Variants in ADAMTS12 observed in about 807,000 individuals in gnomAD.
ADAMTS12 encodes the protein A disintegrin and metalloproteinase with thrombospondin motifs 12.
In ADAMTS12, 118 loss-of-function variants were observed where a neutral mutation model predicts 167.8. That is an observed-to-expected ratio of 0.70 (90% CI 0.61 to 0.82). The LOEUF is 0.82. ADAMTS12 is among the 40% of genes least tolerant of loss of function. The pLI is 0.00. For missense variants in ADAMTS12, 1,916 were observed against 1,998.8 expected, an observed-to-expected ratio of 0.96 and a Z score of 0.79; for synonymous variants, 704 against 716.9, an observed-to-expected ratio of 0.98 and a Z score of 0.29.
rs553434206 is a variant in ADAMTS12, at chr5:33,747,417, T to A, written c.634+3987A>T. Among the ~76,000 whole-genome samples, 7 of 152,154 alleles carry A rather than the reference T, an allele frequency of 4.6e-5. No individual in the cohort carries two copies. The South Asian group carries it at 1.5e-3, about 32-fold the overall frequency. ...TACATGTAAAAGTGAGAATGCCAAG[T>A]ACTAGATATAATATGGGAAAATGGG... On this transcript the variant is annotated intron_variant, in intron 3 of 23. Transcript: ENST00000504830.
At chr5:33,851,595 A>C (rs1472047791) in intron 2 of ADAMTS12, among the ~76,000 whole-genome samples, 1 of 152,174 alleles carries the variant, frequency 6.6e-6, no homozygotes, top group Admixed American at 6.5e-5. Flanking sequence ...TCATTGCCAA[A>C]GCAACTGTTA....
At chr5:33,583,125 C>G (rs1326518972) in intron 18 of ADAMTS12, among the ~76,000 whole-genome samples, 1 of 152,132 alleles carries the variant, frequency 6.6e-6, no homozygotes, top group African/African-American at 2.4e-5. Context: ...ATCATCCCCA[C>G]CTTCCCTGCA....
intron 3 of ADAMTS12, among the ~76,000 whole-genome samples, chr5:33,743,897 AGTGAG>A (rs1419530222): frequency 1.3e-5 from 2 of 152,252 alleles, no homozygotes; most frequent in East Asian, 3.9e-4. Flanking sequence ...CCTCTTTAGG[AGTGAG>A]GTAAGTTGCA....
chr5:33,618,058 C>T (rs1739116157), intron 14 of ADAMTS12, among the ~76,000 whole-genome samples: 1 of 152,212 alleles, frequency 6.6e-6, no homozygotes, highest in Admixed American at 6.5e-5. Context: ...AACTTAACAA[C>T]TTGACCAGAA....
At chr5:33,822,984 G>C (rs1322777293) in intron 2 of ADAMTS12, among the ~76,000 whole-genome samples, 1 of 151,794 alleles carries the variant, frequency 6.6e-6, no homozygotes, top group Non-Finnish European at 1.5e-5. Flanking sequence ...CCAGCTACTT[G>C]GGAGGCTGAG....
At chr5:33,688,583 A>G (rs1742435009) in intron 3 of ADAMTS12, among the ~76,000 whole-genome samples, 2 of 152,222 alleles carry the variant, frequency 1.3e-5, no homozygotes, top group Non-Finnish European at 2.9e-5. Flanking sequence ...TCTCTGAGTC[A>G]GTGTCCACGG....
chr5:33,884,934 C>T (rs527643873), intron 1 of ADAMTS12, among the ~76,000 whole-genome samples: 9 of 152,136 alleles, frequency 5.9e-5, no homozygotes, highest in East Asian at 1.9e-4. Context: ...AAAGGGAGCA[C>T]GAACGAAAAG....
chr5:33,778,536 A>ATAAGTTTTCTCCCTAAGTT (rs558595674), intron 2 of ADAMTS12, among the ~76,000 whole-genome samples: 1 of 152,154 alleles, frequency 6.6e-6, no homozygotes, highest in African/African-American at 2.4e-5. Flanking sequence ...AATGGATTAA[A>ATAAGTTTTCTCCCTAAGTT]GACTTAAAAC....
intron 19 of ADAMTS12, among the ~76,000 whole-genome samples, chr5:33,574,368 T>A (rs868775388): frequency 1.3e-5 from 2 of 151,752 alleles, no homozygotes; most frequent in South Asian, 4.2e-4. Flanking sequence ...CAATGATAGA[T>A]CGGATTAAGA....
chr5:33,602,730 T>C (rs1006307307), intron 16 of ADAMTS12, among the ~76,000 whole-genome samples: 4 of 152,210 alleles, frequency 2.6e-5, no homozygotes, highest in African/African-American at 9.6e-5. Context: ...GTGGACATTA[T>C]CTCAAGCATG....
chr5:33,626,616 G>GGTA (rs1739631982), intron 13 of ADAMTS12, among the ~76,000 whole-genome samples: 1 of 148,770 alleles, frequency 6.7e-6, no homozygotes, highest in African/African-American at 2.5e-5. Flanking sequence ...GTGGTGGTGA[G>GGTA]GTGACGGTGG....
At chr5:33,888,971 C>A (rs553306700) in intron 1 of ADAMTS12, among the ~76,000 whole-genome samples, 1 of 152,322 alleles carries the variant, frequency 6.6e-6, no homozygotes, top group East Asian at 1.9e-4. Context: ...CGACTAAAAT[C>A]CTGACTTAGC....
intron 5 of ADAMTS12, among the ~76,000 whole-genome samples, chr5:33,664,575 G>T (rs1021998449): frequency 2.6e-5 from 4 of 152,116 alleles, no homozygotes; most frequent in Non-Finnish European, 5.9e-5. Flanking sequence ...TATCATCAAG[G>T]AAATGCAAAT....
intron 2 of ADAMTS12, among the ~76,000 whole-genome samples, chr5:33,777,138 A>T (rs1396121580): frequency 6.6e-6 from 1 of 152,176 alleles, no homozygotes; most frequent in Non-Finnish European, 1.5e-5. Context: ...CTCTTCGAAA[A>T]TATTGAAGAG....
chr5:33,724,234 A>C lies in ADAMTS12; in HGVS notation c.634+27170T>G, dbSNP rs562863405. Among the ~76,000 whole-genome samples, 110 of 152,310 alleles carry C rather than the reference A, an allele frequency of 7.2e-4. 1 individual carries two copies. Among genetic ancestry groups the C allele is most frequent in the Non-Finnish European group, 1.4e-3 (92 of 68,030 alleles). On this transcript the variant is annotated intron_variant, in intron 3 of 23. Transcript: ENST00000504830. ...AAGCCCTTACTTTAAGTGAAATCTG[A>C]TGTGGAGGCCCAACATAGAAAACAG...
At chr5:33,735,347 G>A (rs577433668) in intron 3 of ADAMTS12, among the ~76,000 whole-genome samples, 4 of 152,286 alleles carry the variant, frequency 2.6e-5, no homozygotes, top group East Asian at 3.9e-4. Context: ...ACTAAACTTT[G>A]AGAACCAATG....
intron 8 of ADAMTS12, 95 bp from the exon 9 acceptor site, chr5:33,649,061 T>C (rs1221960832): frequency 6.8e-7 from 1 of 1,468,492 alleles, no homozygotes; most frequent in African/African-American, 1.4e-5. Flanking sequence ...GTTTACTCTT[T>C]GTCCTTTAAG....
At chr5:33,814,921 G>C (rs988336985) in intron 2 of ADAMTS12, among the ~76,000 whole-genome samples, 1 of 152,128 alleles carries the variant, frequency 6.6e-6, no homozygotes, top group Admixed American at 6.5e-5. Flanking sequence ...TCGAATCGTA[G>C]AGTTTAGGAA....
intron 16 of ADAMTS12, among the ~76,000 whole-genome samples, chr5:33,611,831 T>C (rs147306513): frequency 6.6e-6 from 1 of 152,276 alleles, no homozygotes; most frequent in African/African-American, 2.4e-5. Context: ...ATGTGTGTAA[T>C]GTACATAAAT....
Sources: gnomAD v4.1 joint callset for allele counts (sites outside exome capture counted in the v4.1 genomes callset) on GRCh38, gnomAD v4.1.1 for gene constraint, MANE v1.5 for transcripts, NCBI Gene and HGNC (gene_info 2026-07-23, HGNC 2026-07-21) for gene names.